FER: variants seen among roughly 807,000 people sequenced by gnomAD.
FER encodes tyrosine-protein kinase Fer.
FER carries 63 observed loss-of-function variants against 111.0 expected under a neutral mutation model. That is an observed-to-expected ratio of 0.57 (90% CI 0.46 to 0.70). FER has a LOEUF of 0.70. FER is among the 30% of genes least tolerant of loss of function. The pLI, the probability that FER is intolerant of heterozygous loss-of-function variation, is 0.00. For synonymous variants in FER, 327 were observed against 313.9 expected (o/e 1.04, Z -0.44); for missense variants, 914 against 954.0 (o/e 0.96, Z 0.55).
chr5:108,981,912 G>A (rs1397820950), intron 13 of FER, among the ~76,000 whole-genome samples: 1 of 152,070 alleles, frequency 6.6e-6, no homozygotes, highest in African/African-American at 2.4e-5. Flanking sequence ...CATAGTAAGA[G>A]TTTATTGAAT....
chr5:109,021,742 AAAC>A (rs1254659104), intron 13 of FER, among the ~76,000 whole-genome samples: 6 of 152,134 alleles, frequency 3.9e-5, no homozygotes, highest in African/African-American at 1.4e-4. Flanking sequence ...AAAAGCAAAA[AAAC>A]AAGCTTTCTT....
At chr5:108,856,875 A>G (rs1763061717) in intron 5 of FER, among the ~76,000 whole-genome samples, 1 of 152,122 alleles carries the variant, frequency 6.6e-6, no homozygotes, top group Non-Finnish European at 1.5e-5. Flanking sequence ...CTAGGAAATC[A>G]GTGTTTTGAT....
In FER at chr5:109,161,898, C is replaced by G. The variant is rs1301815931; in HGVS notation, c.2049-18849C>G. Among the ~76,000 whole-genome samples, 233 of 152,134 alleles carry G rather than the reference C, an allele frequency of 1.5e-3. 3 individuals carry two copies. Among genetic ancestry groups the G allele is most frequent in the Non-Finnish European group, 3.2e-4 (22 of 67,966 alleles). On this transcript the variant is annotated intron_variant, in intron 17 of 19. Transcript: ENST00000281092. ...ACACTCCAACCAACAGTGTATAAAC[C>G]TTCCTTTCTCTCTACAACCTCACTA...
intron 13 of FER, among the ~76,000 whole-genome samples, chr5:108,972,611 G>A (rs1760812148): frequency 6.6e-6 from 1 of 152,182 alleles, no homozygotes; most frequent in East Asian, 1.9e-4. Flanking sequence ...AGAGCAATAA[G>A]GATATTTTTA....
intron 8 of FER, among the ~76,000 whole-genome samples, chr5:108,880,969 A>G (rs1765618380): frequency 6.6e-6 from 1 of 152,124 alleles, no homozygotes; most frequent in Non-Finnish European, 1.5e-5. Context: ...CTATTATTTA[A>G]TGATTCTAAA....
At chr5:109,071,340 A>G (rs1717622772) in intron 16 of FER, among the ~76,000 whole-genome samples, 1 of 152,012 alleles carries the variant, frequency 6.6e-6, no homozygotes, top group African/African-American at 2.4e-5. Context: ...TTCTCTTCAT[A>G]ATTAGACTGA....
intron 17 of FER, among the ~76,000 whole-genome samples, chr5:109,116,335 A>G (rs894622577): frequency 5.3e-5 from 8 of 151,362 alleles, no homozygotes; most frequent in African/African-American, 1.7e-4. Context: ...TATTTTATCT[A>G]TAGTCTTTGT....
intron 14 of FER, among the ~76,000 whole-genome samples, chr5:109,041,601 A>G (rs1403747329): frequency 6.6e-6 from 1 of 152,210 alleles, no homozygotes; most frequent in Non-Finnish European, 1.5e-5. Context: ...GTGCAAGGTA[A>G]TTGGAGGAGA....
At chr5:108,833,735 G>A (rs1229716037) in intron 4 of FER, among the ~76,000 whole-genome samples, 3 of 152,064 alleles carry the variant, frequency 2.0e-5, no homozygotes, top group East Asian at 1.9e-4. Context: ...TTAGCTGGGC[G>A]TACTGGCGGG....
chr5:108,929,277 T>A (rs1404288332), intron 10 of FER, among the ~76,000 whole-genome samples: 2 of 152,168 alleles, frequency 1.3e-5, no homozygotes, highest in Non-Finnish European at 2.9e-5. Flanking sequence ...TCATTTTTTT[T>A]AATTAAAGAA....
At chr5:108,957,278 A>G (rs1358519385) in intron 12 of FER, among the ~76,000 whole-genome samples, 2 of 151,678 alleles carry the variant, frequency 1.3e-5, no homozygotes, top group Admixed American at 6.6e-5. Context: ...CATTGAATAC[A>G]ACATTTAATA....
At chr5:108,986,456 C>T (rs1239166806) in intron 13 of FER, among the ~76,000 whole-genome samples, 3 of 151,906 alleles carry the variant, frequency 2.0e-5, no homozygotes, top group African/African-American at 7.3e-5. Context: ...TTAATTAAGT[C>T]TCATATATTT....
At chr5:108,798,530 C>T (rs1756296693) in intron 3 of FER, 141 bp downstream of exon 3, 1 of 754,980 alleles carries the variant, frequency 1.3e-6, no homozygotes, top group Non-Finnish European at 2.1e-6. Context: ...ATGAAAATCT[C>T]ATGGAGAAGT....
chr5:109,117,592 C>G (rs1425865108), intron 17 of FER, among the ~76,000 whole-genome samples: 2 of 152,044 alleles, frequency 1.3e-5, no homozygotes, highest in Non-Finnish European at 2.9e-5. Flanking sequence ...TATAAATTAC[C>G]TTGGACAGTA....
chr5:108,968,004 A>G (rs531581590), intron 13 of FER, among the ~76,000 whole-genome samples: 20 of 152,076 alleles, frequency 1.3e-4, no homozygotes, highest in African/African-American at 4.8e-4. Context: ...TATCACATAG[A>G]TTGTGGAGAA....
At chr5:108,826,312 C>G (rs1759463562) in intron 3 of FER, among the ~76,000 whole-genome samples, 1 of 152,114 alleles carries the variant, frequency 6.6e-6, no homozygotes, top group South Asian at 2.1e-4. Context: ...GGTATATGAT[C>G]CTTTTAATAT....
intron 2 of FER, among the ~76,000 whole-genome samples, chr5:108,797,758 AG>A (rs1447031748): frequency 6.6e-6 from 1 of 152,242 alleles, no homozygotes; most frequent in Non-Finnish European, 1.5e-5. Flanking sequence ...TCCTGCTGGC[AG>A]GGGGCAGGGA....
rs1759462649 is a variant in FER, at chr5:109,192,693, C to T, written c.*5118C>T. On this transcript the variant is annotated 3_prime_UTR_variant, in exon 20 of 20. Coordinates refer to ENST00000281092, the MANE Select transcript of FER (RefSeq NM_005246.4). ...TGAGGCTTAACCTGGGCTAAAGTCT[C>T]CTAAATGGGACTACACTTAGATCCG... 1 of 152,116 alleles carries T rather than the reference C, an allele frequency of 6.6e-6. No homozygotes were observed. The highest frequency in any genetic ancestry group is 2.1e-4 in the South Asian group (1 of 4,828). The allele number at this position is 152,116 out of a possible 1,614,324, so 9.4% of individuals were successfully genotyped here.
At chr5:108,968,247 C>A (rs1452485086) in intron 13 of FER, among the ~76,000 whole-genome samples, 1 of 152,036 alleles carries the variant, frequency 6.6e-6, no homozygotes, top group Non-Finnish European at 1.5e-5. Flanking sequence ...ATTAGCTGGG[C>A]CTGGTGGCGC....
Sources: gnomAD v4.1 joint callset for allele counts (sites outside exome capture counted in the v4.1 genomes callset) on GRCh38, gnomAD v4.1.1 for gene constraint, MANE v1.5 for transcripts, NCBI Gene and HGNC (gene_info 2026-07-23, HGNC 2026-07-21) for gene names.